Variants in B3GAT2 observed in about 807,000 individuals in gnomAD.
B3GAT2 encodes beta-1,3-glucuronyltransferase 2, also known as galactosylgalactosylxylosylprotein 3-beta-glucuronosyltransferase 2.
Under a neutral mutation model 27.8 loss-of-function variants are expected in B3GAT2, and 26 were observed. The ratio of observed to expected loss-of-function variants is 0.93; its 90% CI spans 0.68 to 1.30. The LOEUF (loss-of-function observed/expected upper bound fraction) is 1.30. Among genes scored for constraint, B3GAT2 ranks in the 50% most tolerant of loss-of-function variants. The probability of loss-of-function intolerance (pLI) is 0.00; values close to 1 mark genes in which losing one functional copy is unlikely to be tolerated. For synonymous variants in B3GAT2, 218 were observed against 195.1 expected, an observed-to-expected ratio of 1.12 and a Z score of -0.98; for missense variants, 458 against 459.0, an observed-to-expected ratio of 1.00 and a Z score of 0.02.
chr6:70,927,943 A>G (rs74746935), intron 1 of B3GAT2, among the ~76,000 whole-genome samples: 1 of 152,156 alleles, frequency 6.6e-6, no homozygotes, highest in African/African-American at 2.4e-5. Flanking sequence ...GAAGTAAGGC[A>G]CTCCTCAGCA....
At chr6:70,922,092 A>G (rs1483587389) in intron 1 of B3GAT2, among the ~76,000 whole-genome samples, 1 of 152,216 alleles carries the variant, frequency 6.6e-6, no homozygotes, top group Non-Finnish European at 1.5e-5. Context: ...AAGCAGGGGT[A>G]CAGCAAGATG....
At chr6:70,945,642 C>T (rs1185507101) in intron 1 of B3GAT2, among the ~76,000 whole-genome samples, 1 of 149,636 alleles carries the variant, frequency 6.7e-6, no homozygotes, top group Non-Finnish European at 1.5e-5. Flanking sequence ...AGTTGGAAAA[C>T]ACTCGGCACG....
intron 1 of B3GAT2, among the ~76,000 whole-genome samples, chr6:70,936,648 T>C (rs1395830558): frequency 6.6e-6 from 1 of 152,076 alleles, no homozygotes; most frequent in Non-Finnish European, 1.5e-5. Context: ...TGCTCCTGAA[T>C]GACTACTGGG....
chr6:70,942,997 T>G lies in B3GAT2; in HGVS notation c.591+12842A>C, dbSNP rs556111482. On this transcript the variant is annotated intron_variant, in intron 1 of 3. Transcript: ENST00000230053. ...AGGAACAACAGTCTTAGATTCAGCA[T>G]GTAACATAAATAGTGTTTAAAGTTC... Among the ~76,000 whole-genome samples, 4 of 152,288 alleles carry G rather than the reference T, an allele frequency of 2.6e-5. No individual in the cohort carries two copies. In the East Asian group the frequency reaches 7.7e-4, roughly 29 times the overall value.
chr6:70,857,818 G>A lies in B3GAT2; in HGVS notation c.*3845C>T, dbSNP rs1771496835. On this transcript the variant is annotated 3_prime_UTR_variant, in exon 4 of 4. Coordinates refer to ENST00000230053, the MANE Select transcript of B3GAT2 (RefSeq NM_080742.3). ...GGAGCAGCCAAACTGGAATTAAAAT[G>A]TTTGCTGTGAGTAGTTCAGAAAGGC... 5.5e-6 allele frequency: 7 copies of A among 1,271,126 alleles called. No individual in the cohort carries two copies. In the South Asian group the frequency reaches 1.0e-4, roughly 18 times the overall value. 78.7% of individuals were successfully genotyped at this position (1,271,126 alleles called of 1,614,324 possible).
chr6:70,921,782 T>G (rs535037294), intron 1 of B3GAT2, among the ~76,000 whole-genome samples: 4 of 152,306 alleles, frequency 2.6e-5, no homozygotes, highest in Non-Finnish European at 5.9e-5. Flanking sequence ...TTTTATATTC[T>G]TTGATATTCT....
intron 1 of B3GAT2, among the ~76,000 whole-genome samples, chr6:70,920,897 A>T (rs1422871442): frequency 6.6e-6 from 1 of 152,180 alleles, no homozygotes; most frequent in Non-Finnish European, 1.5e-5. Context: ...TATTAAGCTT[A>T]GTCTTGCTGC....
intron 1 of B3GAT2, among the ~76,000 whole-genome samples, chr6:70,935,048 T>C (rs1227690437): frequency 6.6e-6 from 1 of 152,108 alleles, no homozygotes; most frequent in Non-Finnish European, 1.5e-5. Context: ...CTTTTTGTCA[T>C]TGTAGATATG....
At chr6:70,953,238 A>G (rs971438685) in intron 1 of B3GAT2, among the ~76,000 whole-genome samples, 2 of 152,220 alleles carry the variant, frequency 1.3e-5, no homozygotes, top group African/African-American at 2.4e-5. Context: ...TAGATTTTCA[A>G]TGTTTTATCT....
At chr6:70,943,010 G>C (rs750985658) in intron 1 of B3GAT2, among the ~76,000 whole-genome samples, 17 of 152,150 alleles carry the variant, frequency 1.1e-4, no homozygotes, top group Admixed American at 4.6e-4. Flanking sequence ...AACATAAATA[G>C]TGTTTAAAGT....
intron 1 of B3GAT2, among the ~76,000 whole-genome samples, chr6:70,901,680 A>G (rs1772501820): frequency 1.3e-5 from 2 of 152,162 alleles, no homozygotes; most frequent in Non-Finnish European, 2.9e-5. Context: ...ATCATTCCCC[A>G]CTGCAGTCTC....
Position 70,956,756 on chromosome 6 carries a change from G to A in B3GAT2, c.-327C>T. ...TTGTGCCGAGTGCGGGAAAGGCGCT[G>A]ATCCCCACCGCGCTCTTTCTGAAGA... is the stretch of plus-strand genomic sequence containing the variant. On this transcript the variant is annotated 5_prime_UTR_variant, in exon 1 of 4. Coordinates refer to ENST00000230053, the MANE Select transcript of B3GAT2 (RefSeq NM_080742.3). The A allele has an allele frequency of 8.1e-7, 1 of 1,237,406 alleles. No homozygotes were observed. Among genetic ancestry groups the A allele is most frequent in the Non-Finnish European group, 1.0e-6 (1 of 985,688 alleles). The allele number at this position is 1,237,406 out of a possible 1,614,324, so 76.7% of individuals were successfully genotyped here.
At chr6:70,925,189 C>T (rs1369328740) in intron 1 of B3GAT2, among the ~76,000 whole-genome samples, 4 of 152,108 alleles carry the variant, frequency 2.6e-5, no homozygotes, top group South Asian at 2.1e-4. Context: ...ACAAGATGGC[C>T]GAAGAGGAAC....
At chr6:70,955,609 C>A (rs1423449100) in intron 1 of B3GAT2, among the ~76,000 whole-genome samples, 3 of 152,208 alleles carry the variant, frequency 2.0e-5, no homozygotes, top group Non-Finnish European at 4.4e-5. Flanking sequence ...GGCAGACTCC[C>A]GCCCCTTAAG....
At chr6:70,868,187 C>A (rs1265180786) in intron 2 of B3GAT2, among the ~76,000 whole-genome samples, 1 of 152,140 alleles carries the variant, frequency 6.6e-6, no homozygotes, top group African/African-American at 2.4e-5. Context: ...TACAAAAATA[C>A]CTAATGCCAA....
At chr6:70,949,028 T>A (rs1366656802) in intron 1 of B3GAT2, among the ~76,000 whole-genome samples, 1 of 152,118 alleles carries the variant, frequency 6.6e-6, no homozygotes, top group Non-Finnish European at 1.5e-5. Context: ...TGAAACTGGA[T>A]CCCTTCCTTA....
Position 70,859,213 on chromosome 6 carries a change from C to A in B3GAT2, c.*2450G>T, listed in dbSNP as rs1771583691. 7.7e-6 allele frequency: 5 copies of A among 648,108 alleles called. No homozygotes were observed. Among genetic ancestry groups the A allele is most frequent in the African/African-American group, 1.8e-5 (1 of 54,490 alleles). The allele number at this position is 648,108 out of a possible 1,614,324, so 40.1% of individuals were successfully genotyped here. ...ACATTGGTCTCTACCCGCTGGGAAT[C>A]TAAAAAATTGTATGTGCTAAGTGTC... On this transcript the variant is annotated 3_prime_UTR_variant, in exon 4 of 4. Coordinates refer to ENST00000230053, the MANE Select transcript of B3GAT2 (RefSeq NM_080742.3).
At chr6:70,889,962 AG>A (rs1215986768) in intron 2 of B3GAT2, among the ~76,000 whole-genome samples, 1 of 151,878 alleles carries the variant, frequency 6.6e-6, no homozygotes, top group Admixed American at 6.6e-5. Flanking sequence ...TTGTATTTGT[AG>A]TAGAGACGGG....
intron 1 of B3GAT2, among the ~76,000 whole-genome samples, chr6:70,909,068 CAAAAGTAAAGATGTAGG>C (rs1164780058): frequency 8.6e-5 from 13 of 152,006 alleles, no homozygotes; most frequent in African/African-American, 2.9e-4. Context: ...TTACTTAGGC[CAAAAGTAAAGATGTAGG>C]TGGATCTTGA....
Sources: gnomAD v4.1 joint callset for allele counts (sites outside exome capture counted in the v4.1 genomes callset) on GRCh38, gnomAD v4.1.1 for gene constraint, MANE v1.5 for transcripts, NCBI Gene and HGNC (gene_info 2026-07-23, HGNC 2026-07-21) for gene names.